GOLGA6L10: variants seen among roughly 807,000 people sequenced by gnomAD.
The protein encoded by GOLGA6L10 is golgin subfamily A member 6-like protein 10.
A neutral mutation model predicts 56.9 loss-of-function variants in GOLGA6L10; 4 were observed. The observed-to-expected ratio is 0.07, with a 90% CI of 0.03 to 0.16. The LOEUF is 0.16. GOLGA6L10 is among the 10% of genes least tolerant of loss of function. The pLI is 1.00. For synonymous variants in GOLGA6L10, 11 were observed against 220.9 expected, an observed-to-expected ratio of 0.05 and a Z score of 8.43; for missense variants, 34 against 558.3, an observed-to-expected ratio of 0.06 and a Z score of 9.46.
At chr15:82,347,750 A>G (rs2075695988) in intron 1 of GOLGA6L10, 121 bp from the exon 2 acceptor site, 2 of 1,583,056 alleles carry the variant, frequency 1.3e-6, no homozygotes, top group African/African-American at 1.4e-5. Flanking sequence ...CAACAACCGT[A>G]CAAGGTGTTG....
rs1169233357 is a variant in GOLGA6L10 at position 82,340,228 on chromosome 15, G to T, written c.*2548C>A. 6.6e-6 allele frequency: 1 copy of T among 151,434 alleles called. No individual in the cohort carries two copies. The highest frequency in any genetic ancestry group is 1.5e-5 in the Non-Finnish European group (1 of 67,716). The allele number at this position is 151,434 out of a possible 1,614,324, so 9.4% of individuals were successfully genotyped here. A position where few individuals can be genotyped will look rare whatever the true frequency, so the allele number is the denominator to read the frequency against. The stretch of plus-strand genomic sequence containing the variant: ...CCTTCCCCTAGATTCTTTGTTTTAA[G>T]CTACAGTATTCGTATTTTAAAATGT... On this transcript the variant is annotated 3_prime_UTR_variant, in exon 9 of 9. Coordinates refer to ENST00000610657, the MANE Select transcript of GOLGA6L10 (RefSeq NM_001164465.3).
chr15:82,343,910 G>A (rs1369894157), intron 7 of GOLGA6L10, among the ~76,000 whole-genome samples: 10 of 144,514 alleles, frequency 6.9e-5, no homozygotes, highest in Admixed American at 1.3e-4. Context: ...CTGACCTCAA[G>A]TGATTGTCCT....
At chr15:82,348,220 A>T (rs2075699552) in intron 1 of GOLGA6L10, among the ~76,000 whole-genome samples, 1 of 152,060 alleles carries the variant, frequency 6.6e-6, no homozygotes, top group African/African-American at 2.4e-5. Context: ...CTTCAGAAAG[A>T]TGTCCCGCAT....
Position 82,340,697 on chromosome 15 carries a change from T to C in GOLGA6L10, c.*2079A>G. ...GCACTTTGAAGAAAGACTTGAGTTATTGTCATAGGATTTCCATTCTCTTTA... is the reference window on the plus strand; with the variant it reads ...GCACTTTGAAGAAAGACTTGAGTTACTGTCATAGGATTTCCATTCTCTTTA... On this transcript the variant is annotated 3_prime_UTR_variant, in exon 9 of 9. Coordinates refer to ENST00000610657, the MANE Select transcript of GOLGA6L10 (RefSeq NM_001164465.3). The C allele has an allele frequency of 6.6e-6, 1 of 150,776 alleles. No individual in the cohort carries two copies. Among genetic ancestry groups the C allele is most frequent in the Non-Finnish European group, 1.5e-5 (1 of 67,590 alleles). The allele number at this position is 150,776 out of a possible 1,614,324, so 9.3% of individuals were successfully genotyped here. A position where few individuals can be genotyped will look rare whatever the true frequency, so the allele number is the denominator to read the frequency against.
At position 82,344,935 on chromosome 15, in the gene GOLGA6L10, G is replaced by T; in HGVS notation, c.925C>A (p.Gln309Lys). Residue 309 changes from glutamine to lysine, a missense_variant, in exon 6 of 9, where the codon CAG (glutamine) becomes AAG (lysine). Physicochemically the swap from Gln to Lys is moderately conservative, Grantham distance 53. Coordinates refer to ENST00000610657, the MANE Select transcript of GOLGA6L10 (RefSeq NM_001164465.3). ...TCCTGTTCACATAGCCTCTCCTCCT[G>T]TTCACATAGCCTCTCCTCCTGTTCA... ...LREQEERLCE[Q>K]EERLCEQEER... The T allele has an allele frequency of 1.9e-6, 2 of 1,035,362 alleles. No individual in the cohort carries two copies. Among genetic ancestry groups the T allele is most frequent in the Non-Finnish European group, 1.3e-6 (1 of 782,548 alleles). 64.1% of individuals were successfully genotyped at this position (1,035,362 alleles called of 1,614,324 possible).
intron 2 of GOLGA6L10, among the ~76,000 whole-genome samples, 165 bp from the exon 3 acceptor site, chr15:82,347,051 C>A (rs2075691031): frequency 1.3e-5 from 2 of 150,788 alleles, no homozygotes; most frequent in African/African-American, 5.0e-5. Context: ...TGGTTCTTAT[C>A]TCCCCACCAT....
In GOLGA6L10 at chr15:82,345,170, A is replaced by C. The variant is rs1173429834; in HGVS notation, c.690T>G (p.Arg230=). 6.6e-7 allele frequency: 1 copy of C among 1,525,032 alleles called. No individual in the cohort carries two copies. The highest frequency in any genetic ancestry group is 1.5e-5 in the African/African-American group (1 of 67,652). 94.5% of individuals were successfully genotyped at this position (1,525,032 alleles called of 1,614,324 possible). The change falls in exon 6 of 9, where the codon CGT becomes CGG. Residue 230 remains arginine, a synonymous_variant. Coordinates refer to ENST00000610657, the MANE Select transcript of GOLGA6L10 (RefSeq NM_001164465.3). The part of the protein sequence containing the change: ...ERLCEQEERL[R]EQEERLCEQE... ...GTTCACACAGCCTCTCCTCCTGTTC[A>C]CGTAGCCTCTCCTCCTGTTCACACA...
intron 7 of GOLGA6L10, among the ~76,000 whole-genome samples, chr15:82,344,038 A>T (rs1237071624): frequency 6.6e-6 from 1 of 150,442 alleles, no homozygotes; most frequent in Non-Finnish European, 1.5e-5. Context: ...TCTAGCTGGG[A>T]TGATGATGAT....
chr15:82,348,286 C>T (rs2075700127), intron 1 of GOLGA6L10, among the ~76,000 whole-genome samples: 1 of 149,594 alleles, frequency 6.7e-6, no homozygotes, highest in Non-Finnish European at 1.5e-5. Context: ...AAGATTCAAG[C>T]TGTCAAGTTC....
rs1384613477 is a variant in GOLGA6L10, at chr15:82,344,059, G to A, written c.1333+202C>T. Among the ~76,000 whole-genome samples, 868 of 150,264 alleles carry A rather than the reference G, an allele frequency of 5.8e-3. 10 individuals are homozygous for A. The highest frequency in any genetic ancestry group is 0.021 in the African/African-American group (817 of 39,568). On this transcript the variant is annotated intron_variant, in intron 7 of 8. Coordinates refer to ENST00000610657, the MANE Select transcript of GOLGA6L10 (RefSeq NM_001164465.3). Reference sequence around the variant, plus strand: ...TGGGATGATGATGATGTCCAGACCTGGGAGGGCCCCAGGGCTACCCACCTC... The same window carrying A: ...TGGGATGATGATGATGTCCAGACCTAGGAGGGCCCCAGGGCTACCCACCTC...
rs1237216696 is a variant in GOLGA6L10, at chr15:82,344,893, G to C, written c.967C>G (p.Gln323Glu). ...LCEQEERLCE[Q>E]EKLPGQERLL... ...CTCTCCTGCCCTGGCAGCTTCTCCT[G>C]TTCACACAGCCTCTCCTCCTGTTCA... The change falls in exon 6 of 9, where the codon CAG (glutamine) becomes GAG (glutamate). Residue 323 changes from glutamine (Q) to glutamate (E), a missense_variant. By Grantham distance (29) the Gln-to-Glu change is conservative. Coordinates refer to ENST00000610657, the MANE Select transcript of GOLGA6L10 (RefSeq NM_001164465.3). The C allele has an allele frequency of 5.2e-6, 8 of 1,546,472 alleles. No homozygotes were observed. In the African/African-American group the frequency reaches 1.1e-4, roughly 21 times the overall value.
rs1339239450 is a variant in GOLGA6L10 at position 82,343,140 on chromosome 15, A to C, written c.1414T>G (p.Trp472Gly). ...VPGAPVPQGA[W>G]MCGQAGWTPQ... ...CACCACCCTGCTTGTCCGCACATCC[A>C]AGCTCCTTGTGGGACTGGGGCTCCA... The change falls in exon 8 of 9, where the codon TGG becomes GGG. Residue 472 changes from tryptophan to glycine, a missense_variant. By Grantham distance (184) the Trp-to-Gly change is radical (BLOSUM62 -2). Coordinates refer to ENST00000610657, the MANE Select transcript of GOLGA6L10 (RefSeq NM_001164465.3). 1 of 1,612,568 alleles carries C rather than the reference A, an allele frequency of 6.2e-7. No homozygotes were observed. The highest frequency in any genetic ancestry group is 8.5e-7 in the Non-Finnish European group (1 of 1,180,036).
intron 1 of GOLGA6L10, among the ~76,000 whole-genome samples, chr15:82,348,233 A>G (rs1239270508): frequency 1.3e-5 from 2 of 151,920 alleles, no homozygotes; most frequent in Non-Finnish European, 2.9e-5. Flanking sequence ...TCCCGCATTT[A>G]TCCTGTGGCA....
chr15:82,344,083 T>A (rs2075659472), intron 7 of GOLGA6L10, among the ~76,000 whole-genome samples, 178 bp downstream of exon 7: 1 of 150,100 alleles, frequency 6.7e-6, no homozygotes, highest in Non-Finnish European at 1.5e-5. Context: ...GCTACCCACC[T>A]CTAAAAGTCA....
At chr15:82,345,612 C>T (rs1387409717) in intron 5 of GOLGA6L10, among the ~76,000 whole-genome samples, 186 bp from the exon 6 acceptor site, 1 of 151,336 alleles carries the variant, frequency 6.6e-6, no homozygotes, top group African/African-American at 2.4e-5. Flanking sequence ...GGGTGGCTGA[C>T]AATGGGCACT....
At position 82,342,330 on chromosome 15, in the gene GOLGA6L10, G is replaced by A. The variant is rs2075644943; in HGVS notation, c.*446C>T. ...GGAAATTTTATCTGAATTCCGTAATGAATATACAGGCTGTACTAACATTAA... is the reference window on the plus strand; with the variant it reads ...GGAAATTTTATCTGAATTCCGTAATAAATATACAGGCTGTACTAACATTAA... On this transcript the variant is annotated 3_prime_UTR_variant, in exon 9 of 9. Coordinates refer to ENST00000610657, the MANE Select transcript of GOLGA6L10 (RefSeq NM_001164465.3). 1 of 219,822 alleles carries A rather than the reference G, an allele frequency of 4.5e-6. No homozygotes were observed. The highest frequency in any genetic ancestry group is 8.9e-6 in the Non-Finnish European group (1 of 111,802). The allele number at this position is 219,822 out of a possible 1,614,324, so 13.6% of individuals were successfully genotyped here.
intron 1 of GOLGA6L10, among the ~76,000 whole-genome samples, chr15:82,347,960 G>A (rs1320021238): frequency 2.2e-4 from 33 of 152,212 alleles, no homozygotes; most frequent in East Asian, 1.2e-3. Flanking sequence ...ACTGTAGGCC[G>A]TGTGGTTTAG....
At position 82,341,202 on chromosome 15, in the gene GOLGA6L10, TCTAA is replaced by T; in HGVS notation, c.*1570_*1573del. On this transcript the variant is annotated 3_prime_UTR_variant, in exon 9 of 9. Transcript: ENST00000610657. ...CCATAAATATTACACAAAATATGCC[TCTAA>T]CTGAAACTGAGAGGTATAAAAACAT... 8.0e-6 allele frequency: 1 copy of T among 125,078 alleles called. No individual in the cohort carries two copies. The highest frequency in any genetic ancestry group is 1.7e-5 in the Non-Finnish European group (1 of 60,030). 7.7% of individuals were successfully genotyped at this position (125,078 alleles called of 1,614,324 possible). A position where few individuals can be genotyped will look rare whatever the true frequency, so the allele number is the denominator to read the frequency against.
Position 82,342,798 on chromosome 15 carries a change from T to A in GOLGA6L10, c.1547A>T (p.Glu516Val). 6.2e-7 allele frequency: 1 copy of A among 1,606,018 alleles called. No individual in the cohort carries two copies. The highest frequency in any genetic ancestry group is 8.5e-7 in the Non-Finnish European group (1 of 1,179,862). The change falls in exon 9 of 9, where the codon GAG (glutamate) becomes GTG (valine). Residue 516 changes from glutamate to valine, a missense_variant. Physicochemically the swap from Glu to Val is moderately radical, Grantham distance 121. Transcript: ENST00000610657. ...CHSFRAAENR[E>V]LNITII ...CTCTTAGATGATGGTGATGTTTAGC[T>A]CCCTGTTCTCCGCAGCCCGAAAAGA...
Sources: allele counts gnomAD v4.1 joint callset (sites outside exome capture counted in the v4.1 genomes callset), GRCh38; gene constraint gnomAD v4.1.1; transcripts MANE v1.5; gene names NCBI Gene and HGNC (gene_info 2026-07-23, HGNC 2026-07-21).